SETD3: variants seen among roughly 807,000 people sequenced by gnomAD.
SETD3 encodes the protein SET domain containing 3, actin N3(tau)-histidine methyltransferase, also known as actin-histidine N-methyltransferase.
SETD3 carries 19 observed loss-of-function variants against 63.0 expected under a neutral mutation model. The observed-to-expected ratio is 0.30, with a 90% confidence interval of 0.21 to 0.44. The LOEUF is 0.44. Ranked by LOEUF, SETD3 falls within the 20% of genes least tolerant of loss-of-function variation. SETD3 has a pLI of 1.00. For synonymous variants in SETD3, 286 were observed against 264.1 expected, an observed-to-expected ratio of 1.08 and a Z score of -0.80; for missense variants, 587 against 728.5, an observed-to-expected ratio of 0.81 and a Z score of 2.24.
chr14:99,465,823 A>C lies in SETD3; in HGVS notation c.-8-10T>G, dbSNP rs1372317616. 1.3e-6 allele frequency: 2 copies of C among 1,590,938 alleles called. No homozygotes were observed. The highest frequency in any genetic ancestry group is 2.2e-5 in the East Asian group (1 of 44,716). On this transcript the variant is annotated splice_polypyrimidine_tract_variant and intron_variant, in intron 1 of 12. Coordinates refer to ENST00000331768, the MANE Select transcript of SETD3 (RefSeq NM_032233.3). The stretch of plus-strand genomic sequence containing the variant: ...TTACCCATTTTTCTGACTACAGAGA[A>C]GAGAAAGAAAAGAGAAAAAAATTAC...
chr14:99,457,884 T>C (rs1272852106), intron 6 of SETD3, among the ~76,000 whole-genome samples: 1 of 152,260 alleles, frequency 6.6e-6, no homozygotes, highest in African/African-American at 2.4e-5. Flanking sequence ...AAATTAACTG[T>C]CAATATTTTA....
intron 6 of SETD3, among the ~76,000 whole-genome samples, chr14:99,415,144 T>C (rs1257260): frequency 0.018 from 2,797 of 152,336 alleles, 77 homozygotes; most frequent in African/African-American, 0.064. Context: ...AAAATGAAAC[T>C]TCGCATTACC....
At chr14:99,405,710 G>T (rs907414472) in intron 9 of SETD3, among the ~76,000 whole-genome samples, 5 of 152,130 alleles carry the variant, frequency 3.3e-5, no homozygotes, top group Non-Finnish European at 5.9e-5. Flanking sequence ...CCAAAGGACA[G>T]CAAGGCTATT....
At chr14:99,477,547 G>C (rs1896035422) in intron 1 of SETD3, among the ~76,000 whole-genome samples, 1 of 152,084 alleles carries the variant, frequency 6.6e-6, no homozygotes, top group East Asian at 1.9e-4. Flanking sequence ...CTCAGGTCGG[G>C]AGTTCCAGAC....
At chr14:99,451,594 C>T (rs1222420019) in intron 6 of SETD3, among the ~76,000 whole-genome samples, 1 of 152,124 alleles carries the variant, frequency 6.6e-6, no homozygotes, top group East Asian at 1.9e-4. Context: ...GCAGCCTCAA[C>T]TTCCTGTGTT....
In SETD3 at chr14:99,436,014, G is replaced by C. The variant is rs530129940; in HGVS notation, c.676-22080C>G. ...GGAAACTCACAATCACAGAGGAGGAGGAAGCAAGGCACCTTCTTCACAAGG... is the reference window on the plus strand; with the variant it reads ...GGAAACTCACAATCACAGAGGAGGACGAAGCAAGGCACCTTCTTCACAAGG... On this transcript the variant is annotated intron_variant, in intron 6 of 12. Transcript: ENST00000331768. 5.3e-5 allele frequency among the ~76,000 whole-genome samples: 8 copies of C among 152,216 alleles called. No individual in the cohort carries two copies. In the East Asian group the frequency reaches 7.7e-4, roughly 15 times the overall value.
At position 99,433,419 on chromosome 14, in the gene SETD3, G is replaced by A. The variant is rs141682665; in HGVS notation, c.676-19485C>T. Among the ~76,000 whole-genome samples, 229 of 151,914 alleles carry A rather than the reference G, an allele frequency of 1.5e-3. 3 individuals carry two copies. Among genetic ancestry groups the A allele is most frequent in the Admixed American group, 0.011 (166 of 15,252 alleles). On this transcript the variant is annotated intron_variant, in intron 6 of 12. Transcript: ENST00000331768. ...TTAATAGATATTTCAGGTATCTTGAGTTAAAAAATATATATTTTAAAAGTT... is the reference window on the plus strand; with the variant it reads ...TTAATAGATATTTCAGGTATCTTGAATTAAAAAATATATATTTTAAAAGTT...
chr14:99,433,935 G>C (rs1001834250), intron 6 of SETD3, among the ~76,000 whole-genome samples: 16 of 152,190 alleles, frequency 1.1e-4, no homozygotes, highest in Admixed American at 3.3e-4. Flanking sequence ...GAGCAACTAG[G>C]ATGCTTGTGG....
At chr14:99,466,414 C>T (rs979734233) in intron 1 of SETD3, among the ~76,000 whole-genome samples, 2 of 152,194 alleles carry the variant, frequency 1.3e-5, no homozygotes, top group Non-Finnish European at 2.9e-5. Context: ...AACGAGGTCT[C>T]CCGTCGCGTT....
chr14:99,399,045 C>T lies in SETD3; in HGVS notation c.1419G>A (p.Glu473=). The T allele has an allele frequency of 6.2e-7, 1 of 1,614,182 alleles. No homozygotes were observed. Among genetic ancestry groups the T allele is most frequent in the South Asian group, 1.1e-5 (1 of 91,082 alleles). ...MAIKLRLGEK[E]ILEKAVKSAA... is the part of the protein sequence containing the mutation. ...CACTCTTTACTGCTTTTTCCAAAAT[C>T]TCTTTCTCACCTAAGCGCAATTTGA... The change falls in exon 13 of 13, where the codon GAG becomes GAA. Residue 473 remains glutamate, a synonymous_variant. Transcript: ENST00000331768.
rs11850823 is a variant in SETD3 at position 99,431,768 on chromosome 14, G to A, written c.676-17834C>T. 3.5e-3 allele frequency among the ~76,000 whole-genome samples: 538 copies of A among 152,270 alleles called. 5 individuals carry two copies. The highest frequency in any genetic ancestry group is 0.012 in the African/African-American group (516 of 41,554). On this transcript the variant is annotated intron_variant, in intron 6 of 12. Transcript: ENST00000331768. The stretch of plus-strand genomic sequence containing the variant: ...AGCCTCCCAAAGTGCTGGGATTACA[G>A]TAGTAGGGATTTTAAAACAAGACCC...
At chr14:99,466,944 C>T (rs969563449) in intron 1 of SETD3, among the ~76,000 whole-genome samples, 3 of 152,206 alleles carry the variant, frequency 2.0e-5, no homozygotes, top group African/African-American at 7.2e-5. Context: ...AATCAAAAAG[C>T]AGACTTTGGT....
intron 5 of SETD3, 66 bp from the exon 6 acceptor site, chr14:99,458,601 C>A: frequency 1.9e-6 from 3 of 1,545,260 alleles, no homozygotes; most frequent in Non-Finnish European, 2.6e-6. Flanking sequence ...TTTAAATATA[C>A]GTTTACAAAT....
rs1198044582 is a variant in SETD3 at position 99,463,718 on chromosome 14, T to A, written c.104-140A>T. ...TTAAAAGACAGACATATGACAGCCATGATAATGAATGTGAGAAGTACAAGG... is the reference window on the plus strand; with the variant it reads ...TTAAAAGACAGACATATGACAGCCAAGATAATGAATGTGAGAAGTACAAGG... On this transcript the variant is annotated intron_variant, in intron 2 of 12. Coordinates refer to ENST00000331768, the MANE Select transcript of SETD3 (RefSeq NM_032233.3). 14 of 657,648 alleles carry A rather than the reference T, an allele frequency of 2.1e-5. No homozygotes were observed. The African/African-American group carries it at 2.4e-4, about 11-fold the overall frequency. 40.7% of individuals were successfully genotyped at this position (657,648 alleles called of 1,614,324 possible). A position where few individuals can be genotyped will look rare whatever the true frequency, so the allele number is the denominator to read the frequency against.
intron 8 of SETD3, 33 bp from the exon 9 acceptor site, chr14:99,406,623 A>T: frequency 6.3e-7 from 1 of 1,585,988 alleles, no homozygotes; most frequent in East Asian, 2.2e-5. Flanking sequence ...AATGATGGTG[A>T]GGCAAACACA....
At chr14:99,448,839 T>C (rs1200124351) in intron 6 of SETD3, among the ~76,000 whole-genome samples, 1 of 152,208 alleles carries the variant, frequency 6.6e-6, no homozygotes, top group African/African-American at 2.4e-5. Flanking sequence ...CAGGAAGCAG[T>C]GGCCACAGTC....
At chr14:99,407,826 G>A (rs1891768856) in intron 8 of SETD3, among the ~76,000 whole-genome samples, 1 of 152,132 alleles carries the variant, frequency 6.6e-6, no homozygotes, top group Non-Finnish European at 1.5e-5. Flanking sequence ...TTGGAAGCTG[G>A]AGCCCCTTGT....
At chr14:99,481,182 T>C (rs368221144), upstream of SETD3, 631 of 382,054 alleles carry the variant, frequency 1.7e-3, 6 homozygotes, top group South Asian at 0.02. Context: ...TGCTCCAGAA[T>C]GCCTTTTCGC....
intron 1 of SETD3, among the ~76,000 whole-genome samples, chr14:99,467,283 A>T (rs2139799487): frequency 6.6e-6 from 1 of 152,352 alleles, no homozygotes; most frequent in Admixed American, 6.5e-5. Context: ...TTGCAGCAAT[A>T]CAAGGAATTT....
Sources: allele counts gnomAD v4.1 joint callset (sites outside exome capture counted in the v4.1 genomes callset), GRCh38; gene constraint gnomAD v4.1.1; transcripts MANE v1.5; gene names NCBI Gene and HGNC (gene_info 2026-07-23, HGNC 2026-07-21).